Variants in FHIP1A observed in about 807,000 individuals in gnomAD.
FHIP1A encodes the protein FHF complex subunit HOOK interacting protein 1A.
Under a neutral mutation model 88.6 loss-of-function variants are expected in FHIP1A, and 61 were observed. The observed-to-expected ratio is 0.69, with a 90% CI of 0.56 to 0.85. FHIP1A has a LOEUF of 0.85. FHIP1A is among the 40% of genes least tolerant of loss of function. The probability of loss-of-function intolerance (pLI) is 0.00; values close to 1 mark genes in which losing one functional copy is unlikely to be tolerated. For missense variants in FHIP1A, 1,154 were observed against 1,273.5 expected (o/e 0.91, Z 1.43); for synonymous variants, 478 against 496.0 (o/e 0.96, Z 0.48).
chr4:151,526,607 G>A (rs1220586864), intron 3 of FHIP1A, among the ~76,000 whole-genome samples: 7 of 148,960 alleles, frequency 4.7e-5, no homozygotes, highest in Admixed American at 2.0e-4. Flanking sequence ...CTGGCCGGGC[G>A]AGGGGCTGAT....
chr4:151,665,663 A>G lies in FHIP1A; in HGVS notation c.*2909A>G, dbSNP rs999803360. On this transcript the variant is annotated 3_prime_UTR_variant, in exon 14 of 14. Coordinates refer to ENST00000435205, the MANE Select transcript of FHIP1A (RefSeq NM_001109977.3). ...GGAGTGAACATTGATCTAGGCGGAT[A>G]TGAAGAAACCAGGGAGTGGGTGGGT... 3.9e-5 allele frequency among the ~76,000 whole-genome samples: 6 copies of G among 152,230 alleles called. No individual in the cohort carries two copies. The highest frequency in any genetic ancestry group is 3.3e-4 in the Admixed American group (5 of 15,288).
At chr4:151,476,012 C>G (rs1729686287) in intron 2 of FHIP1A, among the ~76,000 whole-genome samples, 1 of 151,900 alleles carries the variant, frequency 6.6e-6, no homozygotes, top group South Asian at 2.1e-4. Flanking sequence ...CAGGTGCCCA[C>G]CATCGCACCT....
At chr4:151,590,376 T>G (rs1262785980) in intron 7 of FHIP1A, among the ~76,000 whole-genome samples, 1 of 152,240 alleles carries the variant, frequency 6.6e-6, no homozygotes, top group Non-Finnish European at 1.5e-5. Context: ...ATTAGCACAC[T>G]TTAGTGTTAC....
chr4:151,562,450 C>A (rs1733209476), intron 3 of FHIP1A, among the ~76,000 whole-genome samples: 1 of 152,168 alleles, frequency 6.6e-6, no homozygotes, highest in Admixed American at 6.5e-5. Flanking sequence ...CATCAAAAAT[C>A]TTTTTCTTGT....
At chr4:151,471,400 T>C (rs1420127883) in intron 2 of FHIP1A, among the ~76,000 whole-genome samples, 1 of 151,528 alleles carries the variant, frequency 6.6e-6, no homozygotes, top group African/African-American at 2.4e-5. Flanking sequence ...CCTAGTATTA[T>C]GGAATCTGTT....
At chr4:151,552,535 A>G (rs1732779790) in intron 3 of FHIP1A, among the ~76,000 whole-genome samples, 1 of 152,222 alleles carries the variant, frequency 6.6e-6, no homozygotes, top group Non-Finnish European at 1.5e-5. Flanking sequence ...AGGGACATGG[A>G]TGAAGCTGGA....
intron 8 of FHIP1A, among the ~76,000 whole-genome samples, chr4:151,633,411 G>A (rs541136090): frequency 2.6e-5 from 4 of 151,946 alleles, no homozygotes; most frequent in African/African-American, 9.6e-5. Context: ...AGTCCTCCTT[G>A]AACTCCTAAA....
At chr4:151,432,852 A>G (rs1170977037) in intron 1 of FHIP1A, among the ~76,000 whole-genome samples, 1 of 152,184 alleles carries the variant, frequency 6.6e-6, no homozygotes, top group Non-Finnish European at 1.5e-5. Context: ...CTCTGGAATT[A>G]CAGCCCTAGT....
chr4:151,669,405 C>G lies in FHIP1A; in HGVS notation c.*6651C>G, dbSNP rs976200263. ...TGGTAAATGTCTTTTTCTGGCTGCA[C>G]CCCCTTTTAAGTAAGCCTTTAATTT... On this transcript the variant is annotated 3_prime_UTR_variant, in exon 14 of 14. Transcript: ENST00000435205. Among the ~76,000 whole-genome samples, 19 of 152,194 alleles carry G rather than the reference C, an allele frequency of 1.2e-4. No homozygotes were observed. Among genetic ancestry groups the G allele is most frequent in the African/African-American group, 4.6e-4 (19 of 41,428 alleles).
Position 151,663,888 on chromosome 4 carries a change from C to T in FHIP1A, c.*1134C>T, listed in dbSNP as rs1324976835. On this transcript the variant is annotated 3_prime_UTR_variant, in exon 14 of 14. Coordinates refer to ENST00000435205, the MANE Select transcript of FHIP1A (RefSeq NM_001109977.3). The stretch of plus-strand genomic sequence containing the variant: ...CACTCTGCATGGAAATGCTGCCTTC[C>T]GAGTAATGGGGTTCATTAGAAGGCC... 1.3e-5 allele frequency among the ~76,000 whole-genome samples: 2 copies of T among 152,126 alleles called. No homozygotes were observed. The highest frequency in any genetic ancestry group is 1.9e-4 in the East Asian group (1 of 5,188).
intron 7 of FHIP1A, among the ~76,000 whole-genome samples, chr4:151,616,683 C>T (rs1735543999): frequency 6.6e-6 from 1 of 151,932 alleles, no homozygotes; most frequent in Non-Finnish European, 1.5e-5. Context: ...ATCTCCTGAC[C>T]TCATGATCCA....
intron 2 of FHIP1A, among the ~76,000 whole-genome samples, chr4:151,471,403 A>T (rs1381922836): frequency 6.6e-6 from 1 of 151,722 alleles, no homozygotes; most frequent in African/African-American, 2.4e-5. Context: ...AGTATTATGG[A>T]ATCTGTTTAC....
At chr4:151,413,429 A>G (rs552720590) in intron 1 of FHIP1A, among the ~76,000 whole-genome samples, 10 of 152,274 alleles carry the variant, frequency 6.6e-5, no homozygotes, top group African/African-American at 2.4e-4. Flanking sequence ...AATATTTTAT[A>G]CTGTGTACGT....
At chr4:151,421,117 C>T (rs1266976260) in intron 1 of FHIP1A, among the ~76,000 whole-genome samples, 1 of 152,178 alleles carries the variant, frequency 6.6e-6, no homozygotes, top group Non-Finnish European at 1.5e-5. Flanking sequence ...CTTTGTTCTG[C>T]CTCTGGCTAA....
intron 3 of FHIP1A, among the ~76,000 whole-genome samples, chr4:151,513,150 A>G (rs1333763485): frequency 2.0e-5 from 3 of 152,200 alleles, no homozygotes; most frequent in Non-Finnish European, 4.4e-5. Context: ...CCAATATTCA[A>G]CATTCTTAAA....
chr4:151,414,055 T>A (rs1399613892), intron 1 of FHIP1A, among the ~76,000 whole-genome samples: 1 of 151,818 alleles, frequency 6.6e-6, no homozygotes, highest in Non-Finnish European at 1.5e-5. Flanking sequence ...AGTGTTTGTT[T>A]GTTTTTTTTT....
intron 2 of FHIP1A, among the ~76,000 whole-genome samples, chr4:151,472,707 C>T (rs1729567696): frequency 6.8e-6 from 1 of 146,962 alleles, no homozygotes. Flanking sequence ...AGAATTTTGT[C>T]AGCCACTCTG....
intron 7 of FHIP1A, among the ~76,000 whole-genome samples, chr4:151,627,184 A>G (rs1018329665): frequency 6.6e-6 from 1 of 152,226 alleles, no homozygotes; most frequent in African/African-American, 2.4e-5. Flanking sequence ...TTTAATATTT[A>G]TAGCATGTTA....
chr4:151,635,026 A>G (rs1736297840), intron 8 of FHIP1A, among the ~76,000 whole-genome samples: 1 of 151,806 alleles, frequency 6.6e-6, no homozygotes, highest in Non-Finnish European at 1.5e-5. Flanking sequence ...GAATATATAA[A>G]AAGTTCTGTA....
Sources: gnomAD v4.1 joint callset for allele counts (sites outside exome capture counted in the v4.1 genomes callset) on GRCh38, gnomAD v4.1.1 for gene constraint, MANE v1.5 for transcripts, NCBI Gene and HGNC (gene_info 2026-07-23, HGNC 2026-07-21) for gene names.